Variants in DOCK3 observed in about 807,000 individuals in gnomAD.
The protein encoded by DOCK3 is dedicator of cytokinesis protein 3.
In DOCK3, 60 loss-of-function variants were observed where a neutral mutation model predicts 265.6. The observed-to-expected ratio is 0.23, with a 90% CI of 0.18 to 0.28. The LOEUF (loss-of-function observed/expected upper bound fraction) is 0.28, where lower values mean the gene tolerates loss of function less well. Among genes scored for constraint, DOCK3 ranks in the 10% least tolerant of loss-of-function variants. DOCK3 has a pLI of 1.00. For synonymous variants in DOCK3, 881 were observed against 938.0 expected (o/e 0.94, Z 1.11); for missense variants, 1,981 against 2,594.3 (o/e 0.76, Z 5.14).
At chr3:51,166,560 A>G (rs2086418344) in intron 12 of DOCK3, among the ~76,000 whole-genome samples, 1 of 152,228 alleles carries the variant, frequency 6.6e-6, no homozygotes, top group Admixed American at 6.5e-5. Context: ...TAATGGCTGC[A>G]CCAATTTACA....
intron 12 of DOCK3, among the ~76,000 whole-genome samples, chr3:51,200,899 CA>C (rs2088707982): frequency 6.6e-6 from 1 of 151,958 alleles, no homozygotes; most frequent in Non-Finnish European, 1.5e-5. Flanking sequence ...AATTTTCAAC[CA>C]CAAATTTCAT....
At chr3:50,829,757 T>C (rs2045017481) in intron 2 of DOCK3, among the ~76,000 whole-genome samples, 1 of 152,224 alleles carries the variant, frequency 6.6e-6, no homozygotes, top group African/African-American at 2.4e-5. Context: ...CACAAATATA[T>C]AGTATTTTAA....
chr3:51,321,684 A>G (rs1459372970), intron 32 of DOCK3, among the ~76,000 whole-genome samples: 1 of 152,184 alleles, frequency 6.6e-6, no homozygotes, highest in Non-Finnish European at 1.5e-5. Flanking sequence ...TGAAGCATGC[A>G]CAAGTATCAA....
intron 1 of DOCK3, among the ~76,000 whole-genome samples, chr3:50,704,285 T>C (rs184788518): frequency 1.3e-5 from 2 of 152,308 alleles, no homozygotes; most frequent in African/African-American, 4.8e-5. Context: ...ATCTGTTAGG[T>C]CCATTTGTTC....
At chr3:51,092,476 G>A (rs2082675533) in intron 9 of DOCK3, among the ~76,000 whole-genome samples, 1 of 152,196 alleles carries the variant, frequency 6.6e-6, no homozygotes. Flanking sequence ...CTCCTCTCTG[G>A]GCAGGGCATC....
intron 12 of DOCK3, among the ~76,000 whole-genome samples, chr3:51,199,436 C>T (rs1436192309): frequency 6.6e-6 from 1 of 152,200 alleles, no homozygotes; most frequent in Non-Finnish European, 1.5e-5. Context: ...TCGCTGATTG[C>T]TAGCACAGCA....
At chr3:50,746,422 A>G (rs777219039) in intron 1 of DOCK3, among the ~76,000 whole-genome samples, 5 of 152,040 alleles carry the variant, frequency 3.3e-5, no homozygotes, top group Non-Finnish European at 7.4e-5. Context: ...TATCTAATTT[A>G]TCAGTTGGTT....
intron 5 of DOCK3, among the ~76,000 whole-genome samples, chr3:51,051,057 G>T (rs923700116): frequency 6.6e-6 from 1 of 151,854 alleles, no homozygotes; most frequent in East Asian, 1.9e-4. Context: ...TCACTTTTGA[G>T]AAAAAAAATT....
chr3:50,938,206 T>C (rs554799957), intron 5 of DOCK3, among the ~76,000 whole-genome samples: 2 of 152,120 alleles, frequency 1.3e-5, no homozygotes, highest in African/African-American at 4.8e-5. Flanking sequence ...CATTATAAAA[T>C]GATAGAAGGA....
At chr3:51,339,695 C>T (rs966962838) in intron 37 of DOCK3, among the ~76,000 whole-genome samples, 6 of 152,198 alleles carry the variant, frequency 3.9e-5, no homozygotes, top group African/African-American at 9.6e-5. Flanking sequence ...CACGCTGAAT[C>T]GGGGTTACGT....
chr3:50,750,530 A>G (rs1356779733), intron 1 of DOCK3, among the ~76,000 whole-genome samples: 3 of 151,914 alleles, frequency 2.0e-5, no homozygotes, highest in African/African-American at 4.8e-5. Flanking sequence ...GGGTTTCACC[A>G]TGTTGGCCAG....
intron 22 of DOCK3, among the ~76,000 whole-genome samples, chr3:51,248,349 C>T (rs954080426): frequency 2.0e-5 from 3 of 152,252 alleles, no homozygotes; most frequent in Admixed American, 6.5e-5. Flanking sequence ...CGCGCTGCCA[C>T]GCCTGACTGG....
chr3:51,041,719 G>A (rs1248301451), intron 5 of DOCK3, among the ~76,000 whole-genome samples: 2 of 152,096 alleles, frequency 1.3e-5, no homozygotes, highest in Admixed American at 6.5e-5. Context: ...AGGTCTCAGC[G>A]GTGGGCTTGA....
intron 5 of DOCK3, among the ~76,000 whole-genome samples, chr3:50,974,497 A>G (rs1575652194): frequency 6.6e-6 from 1 of 151,716 alleles, no homozygotes; most frequent in Admixed American, 6.6e-5. Context: ...CCATTGATCT[A>G]TATCTCTGTT....
intron 1 of DOCK3, among the ~76,000 whole-genome samples, chr3:50,702,060 GGTTCC>G (rs565884438): frequency 2.0e-5 from 3 of 152,096 alleles, no homozygotes; most frequent in Non-Finnish European, 4.4e-5. Flanking sequence ...AGTCTTTTGT[GGTTCC>G]ATACAAATTT....
chr3:51,277,061 A>G (rs2108950584), intron 25 of DOCK3, among the ~76,000 whole-genome samples: 1 of 152,284 alleles, frequency 6.6e-6, no homozygotes, highest in East Asian at 1.9e-4. Context: ...ACCCAGGCAT[A>G]TCTAGGCAGC....
In DOCK3 at chr3:50,675,174, G is replaced by C; in HGVS notation, c.-90G>C. On this transcript the variant is annotated 5_prime_UTR_variant, in exon 1 of 53. Coordinates refer to ENST00000266037, the MANE Select transcript of DOCK3 (RefSeq NM_004947.5). This position sits in a 1 kb window ranked among gnomAD's most constrained non-coding sequence, Gnocchi z 6.1. ...CGCGCCGCCTGACCGTCCCCGCCTC[G>C]ACTCGCGGTGCGCCACAGCCGGGCC... The C allele has an allele frequency of 2.1e-6, 2 of 954,234 alleles. No individual in the cohort carries two copies. The highest frequency in any genetic ancestry group is 2.6e-6 in the Non-Finnish European group (2 of 784,192). The allele number at this position is 954,234 out of a possible 1,614,324, so 59.1% of individuals were successfully genotyped here.
At chr3:51,027,312 A>T (rs2079862920) in intron 5 of DOCK3, among the ~76,000 whole-genome samples, 1 of 151,900 alleles carries the variant, frequency 6.6e-6, no homozygotes, top group Non-Finnish European at 1.5e-5. Flanking sequence ...GTCCAAGAAG[A>T]TGCTTAGTAT....
rs1559597811 is a variant in DOCK3, at chr3:50,756,019, A to C, written c.38-22656A>C. On this transcript the variant is annotated intron_variant, in intron 1 of 52. Transcript: ENST00000266037. Reference sequence around the variant, plus strand: ...GCACAGTATACTTGGAAGAGGGCCAAGTGAGATCCAAATGCCCCATTCAGC... The same window carrying C: ...GCACAGTATACTTGGAAGAGGGCCACGTGAGATCCAAATGCCCCATTCAGC... Among the ~76,000 whole-genome samples the C allele has an allele frequency of 2.0e-5, 3 of 152,322 alleles. No individual in the cohort carries two copies. The South Asian group carries it at 6.2e-4, about 32-fold the overall frequency.
Sources: gnomAD v4.1 joint callset for allele counts (sites outside exome capture counted in the v4.1 genomes callset) on GRCh38, gnomAD v4.1.1 for gene constraint, Gnocchi (gnomAD v3.1) non-coding constraint, MANE v1.5 for transcripts, NCBI Gene and HGNC (gene_info 2026-07-23, HGNC 2026-07-21) for gene names.